The following CRTC3 variants were observed in gnomAD, a reference collection of about 807,000 sequenced individuals.
CRTC3 encodes CREB-regulated transcription coactivator 3.
CRTC3 carries 26 observed loss-of-function variants against 74.5 expected under a neutral mutation model. The ratio of observed to expected loss-of-function variants is 0.35; its 90% CI spans 0.26 to 0.48. The LOEUF is 0.48. CRTC3 is among the 20% of genes least tolerant of loss of function. The pLI is 0.99. For missense variants in CRTC3, 760 were observed against 787.3 expected (o/e 0.97, Z 0.41); for synonymous variants, 377 against 325.8 (o/e 1.16, Z -1.69).
At chr15:90,540,288 T>G in intron 2 of CRTC3, 151 bp downstream of exon 2, 2 of 594,638 alleles carry the variant, frequency 3.4e-6, no homozygotes, top group Non-Finnish European at 5.8e-6. Context: ...TCTCTCATAG[T>G]TTCTACAGCA....
At chr15:90,631,462 C>G (rs556659308) in intron 11 of CRTC3, among the ~76,000 whole-genome samples, 1 of 152,114 alleles carries the variant, frequency 6.6e-6, no homozygotes, top group South Asian at 2.1e-4. Context: ...GGGTGTGTGC[C>G]TCACACCTGT....
At chr15:90,566,063 C>G (rs1254891092) in intron 2 of CRTC3, among the ~76,000 whole-genome samples, 2 of 152,170 alleles carry the variant, frequency 1.3e-5, no homozygotes, top group African/African-American at 4.8e-5. Context: ...GAAAGTGAAA[C>G]AGCCTTATTT....
rs1969534384 is a variant in CRTC3, at chr15:90,643,782, G to A, written c.*1642G>A. ...GGTGGAGAGGAGGAGAACCCTGAAGGAGAGACGGAAGATGCCAGGACCTTT... is the reference window on the plus strand; with the variant it reads ...GGTGGAGAGGAGGAGAACCCTGAAGAAGAGACGGAAGATGCCAGGACCTTT... On this transcript the variant is annotated 3_prime_UTR_variant, in exon 15 of 15. Coordinates refer to ENST00000268184, the MANE Select transcript of CRTC3 (RefSeq NM_022769.5). 4.3e-6 allele frequency: 1 copy of A among 232,910 alleles called. No individual in the cohort carries two copies. Among genetic ancestry groups the A allele is most frequent in the African/African-American group, 2.2e-5 (1 of 45,236 alleles). The allele number at this position is 232,910 out of a possible 1,614,324, so 14.4% of individuals were successfully genotyped here.
At chr15:90,536,426 T>G in intron 1 of CRTC3, among the ~76,000 whole-genome samples, 1 of 146,582 alleles carries the variant, frequency 6.8e-6, no homozygotes, top group African/African-American at 2.5e-5. Context: ...ATTTGGGAGG[T>G]GGAGGTTGCA....
chr15:90,583,809 T>C (rs1967597763), intron 2 of CRTC3, among the ~76,000 whole-genome samples: 1 of 152,120 alleles, frequency 6.6e-6, no homozygotes, highest in Admixed American at 6.5e-5. Context: ...CGCTGGAGAT[T>C]TGTTATACAT....
rs552423782 is a variant in CRTC3 at position 90,541,108 on chromosome 15, G to A, written c.231+971G>A. Among the ~76,000 whole-genome samples the A allele has an allele frequency of 1.4e-4, 22 of 152,302 alleles. No individual in the cohort carries two copies. In the South Asian group the frequency reaches 3.7e-3, roughly 26 times the overall value. On this transcript the variant is annotated intron_variant, in intron 2 of 14. Transcript: ENST00000268184. ...TTGTTCAAACCAATGTGGAATTGGT[G>A]TTTCAGACAATGGTATATGGCACTA...
chr15:90,634,161 GAGTGC>G (rs1359969882), intron 11 of CRTC3, among the ~76,000 whole-genome samples: 1 of 151,684 alleles, frequency 6.6e-6, no homozygotes, highest in Non-Finnish European at 1.5e-5. Context: ...GCCCAGGCTG[GAGTGC>G]AGTGGTGTGA....
chr15:90,638,395 A>AAC, intron 11 of CRTC3, 51 bp from the exon 12 acceptor site: 1 of 1,511,704 alleles, frequency 6.6e-7, no homozygotes, highest in Non-Finnish European at 9.2e-7. Flanking sequence ...TAAAGGACTT[A>AAC]ACGCCAGAAA....
chr15:90,634,656 G>A (rs1040589617), intron 11 of CRTC3: 2 of 563,088 alleles, frequency 3.6e-6, no homozygotes, highest in Non-Finnish European at 6.4e-6. Context: ...TTTAAGAACA[G>A]GACACTGAGG....
Position 90,615,899 on chromosome 15 carries a change from G to A in CRTC3, c.613+1411G>A, listed in dbSNP as rs574556480. Among the ~76,000 whole-genome samples the A allele has an allele frequency of 5.3e-5, 8 of 150,084 alleles. No homozygotes were observed. The East Asian group carries it at 7.8e-4, about 15-fold the overall frequency. On this transcript the variant is annotated intron_variant, in intron 7 of 14. Transcript: ENST00000268184. ...TTTGGAGACGGAGTCTCGCTCTGTC[G>A]CCAGGCTGGAGTGCAGTGGTGTGAC... is the stretch of plus-strand genomic sequence containing the variant.
chr15:90,541,817 ACT>A (rs1469948192), intron 2 of CRTC3, among the ~76,000 whole-genome samples: 7 of 119,074 alleles, frequency 5.9e-5, no homozygotes, highest in African/African-American at 2.4e-4. Context: ...ATGGAGTCTC[ACT>A]CTGTCGCCCA....
In CRTC3 at chr15:90,580,477, G is replaced by A. The variant is rs545602966; in HGVS notation, c.232-13159G>A. ...TCTTGCTCGCTCTGTCACCCAGACT[G>A]GAGTGCAGTGGCGTGATCTTGGCTC... On this transcript the variant is annotated intron_variant, in intron 2 of 14. Transcript: ENST00000268184. 1.3e-4 allele frequency among the ~76,000 whole-genome samples: 19 copies of A among 150,778 alleles called. No homozygotes were observed. In the East Asian group the frequency reaches 3.3e-3, roughly 26 times the overall value.
At chr15:90,638,941 T>C (rs1388443741) in intron 13 of CRTC3, 126 bp downstream of exon 13, 1 of 806,054 alleles carries the variant, frequency 1.2e-6, no homozygotes, top group East Asian at 2.6e-5. Flanking sequence ...TTGTGTTCTG[T>C]GGCTAGAAGA....
chr15:90,638,787 T>C lies in CRTC3; in HGVS notation c.1520T>C (p.Met507Thr). 1 of 1,614,222 alleles carries C rather than the reference T, an allele frequency of 6.2e-7. No homozygotes were observed. The highest frequency in any genetic ancestry group is 8.5e-7 in the Non-Finnish European group (1 of 1,180,042). The change falls in exon 13 of 15, where the codon ATG (methionine) becomes ACG (threonine). Residue 507 changes from methionine (M) to threonine (T), a missense_variant. Met to Thr is a moderately conservative substitution (Grantham distance 81). This residue lies in a region of CRTC3 where 652 missense variants were observed against 635.2 expected (regional missense o/e 1.03). Coordinates refer to ENST00000268184, the MANE Select transcript of CRTC3 (RefSeq NM_022769.5). ...FPDVGFDQQSMRPGPAFPQQV... is the reference protein window; with the variant it reads ...FPDVGFDQQSTRPGPAFPQQV... Reference sequence around the variant, plus strand: ...GATGTGGGTTTTGACCAGCAGTCCATGAGGCCAGGCCCTGCCTTTCCTCAA... The same window carrying C: ...GATGTGGGTTTTGACCAGCAGTCCACGAGGCCAGGCCCTGCCTTTCCTCAA...
At chr15:90,611,891 C>A (rs1233182465) in intron 6 of CRTC3, among the ~76,000 whole-genome samples, 1 of 152,158 alleles carries the variant, frequency 6.6e-6, no homozygotes, top group Non-Finnish European at 1.5e-5. Context: ...CCAACTGAAA[C>A]CTTCCATCCC....
intron 2 of CRTC3, among the ~76,000 whole-genome samples, chr15:90,580,195 C>T (rs905533002): frequency 2.0e-5 from 3 of 152,102 alleles, no homozygotes; most frequent in African/African-American, 7.2e-5. Flanking sequence ...TGTTATTCTT[C>T]TGGAGACTGA....
chr15:90,639,851 T>C (rs1466540234), intron 13 of CRTC3, among the ~76,000 whole-genome samples: 3 of 151,050 alleles, frequency 2.0e-5, no homozygotes, highest in African/African-American at 7.3e-5. Context: ...ATCGAGACCA[T>C]CCTGGCTAAC....
chr15:90,606,125 G>A (rs559118137), intron 5 of CRTC3, among the ~76,000 whole-genome samples: 3 of 152,024 alleles, frequency 2.0e-5, no homozygotes, highest in East Asian at 3.9e-4. Context: ...GCATGGTAGC[G>A]GGTTCCTGTA....
intron 3 of CRTC3, 106 bp from the exon 4 acceptor site, chr15:90,602,218 G>A (rs1365349276): frequency 1.4e-6 from 1 of 696,580 alleles, no homozygotes; most frequent in East Asian, 2.7e-5. Flanking sequence ...TCAGGTACAG[G>A]GATAAGGAAC....
Sources: allele counts gnomAD v4.1 joint callset (sites outside exome capture counted in the v4.1 genomes callset), GRCh38; gene constraint gnomAD v4.1.1; regional missense constraint gnomAD v4.1.1; transcripts MANE v1.5; gene names NCBI Gene and HGNC (gene_info 2026-07-23, HGNC 2026-07-21).